Variants in PIGU observed in about 807,000 individuals in gnomAD.
PIGU encodes phosphatidylinositol glycan anchor biosynthesis class U, also known as GPI-anchor transamidase component PIGU.
PIGU carries 24 observed loss-of-function variants against 49.9 expected under a neutral mutation model. The ratio of observed to expected loss-of-function variants is 0.48; its 90% CI spans 0.35 to 0.68. The LOEUF (loss-of-function observed/expected upper bound fraction) is 0.68. Ranked by LOEUF, PIGU falls within the 30% of genes least tolerant of loss-of-function variation. PIGU has a pLI of 0.01. For missense variants in PIGU, 490 were observed against 532.6 expected, an observed-to-expected ratio of 0.92 and a Z score of 0.79; for synonymous variants, 220 against 205.7, an observed-to-expected ratio of 1.07 and a Z score of -0.59.
At chr20:34,588,165 T>A (rs1043286727) in intron 8 of PIGU, among the ~76,000 whole-genome samples, 2 of 151,682 alleles carry the variant, frequency 1.3e-5, no homozygotes, top group East Asian at 3.9e-4. Flanking sequence ...GGCAGGGGAA[T>A]CACTTGAAAC....
chr20:34,646,910 C>T (rs1025459862), intron 2 of PIGU, among the ~76,000 whole-genome samples: 5 of 151,714 alleles, frequency 3.3e-5, no homozygotes, highest in Non-Finnish European at 7.4e-5. Flanking sequence ...CAAGATCCTC[C>T]ACCTCCAGGG....
chr20:34,589,649 CTTTTTTTTTTTT>C (rs34119895), intron 7 of PIGU, among the ~76,000 whole-genome samples: 5 of 53,694 alleles, frequency 9.3e-5, no homozygotes, highest in East Asian at 5.7e-4. Flanking sequence ...CTGCACCTGG[CTTTTTTTTTTTT>C]TTTTTTTTTT....
chr20:34,600,272 T>C (rs1291139389), intron 7 of PIGU, among the ~76,000 whole-genome samples: 1 of 151,970 alleles, frequency 6.6e-6, no homozygotes, highest in Non-Finnish European at 1.5e-5. Context: ...CTGGACTTGG[T>C]GGTGGGCATC....
chr20:34,591,182 AT>A (rs904361314), intron 7 of PIGU, among the ~76,000 whole-genome samples: 13 of 152,116 alleles, frequency 8.5e-5, no homozygotes, highest in Admixed American at 6.5e-4. Flanking sequence ...TATTGCAGAG[AT>A]AAAAATAGTC....
intron 11 of PIGU, chr20:34,562,461 G>A (rs754891728): frequency 7.8e-7 from 1 of 1,289,018 alleles, no homozygotes; most frequent in Non-Finnish European, 1.0e-6. Context: ...CAGCAGCTAA[G>A]GAGAGATCAG....
chr20:34,660,947 T>C (rs1015984765), intron 1 of PIGU, among the ~76,000 whole-genome samples: 2 of 152,182 alleles, frequency 1.3e-5, no homozygotes, highest in African/African-American at 2.4e-5. Context: ...ACTATGGTGA[T>C]GTAGAATGTT....
chr20:34,569,498 T>G (rs1212697913), intron 11 of PIGU, among the ~76,000 whole-genome samples: 1 of 152,162 alleles, frequency 6.6e-6, no homozygotes, highest in African/African-American at 2.4e-5. Flanking sequence ...CCCAAAGTGT[T>G]GGGATTACAG....
chr20:34,570,670 T>C (rs182705262), intron 11 of PIGU, among the ~76,000 whole-genome samples: 1 of 152,288 alleles, frequency 6.6e-6, no homozygotes, highest in Non-Finnish European at 1.5e-5. Flanking sequence ...GTGCTGGAAT[T>C]ACAGGTGTGA....
chr20:34,636,300 T>C (rs974945394), intron 5 of PIGU, among the ~76,000 whole-genome samples: 4 of 152,098 alleles, frequency 2.6e-5, no homozygotes, highest in Admixed American at 6.5e-5. Context: ...CCCAGCACTT[T>C]GGGAGGCCGA....
At chr20:34,588,037 C>T (rs1480212740) in intron 8 of PIGU, among the ~76,000 whole-genome samples, 1 of 152,098 alleles carries the variant, frequency 6.6e-6, no homozygotes, top group African/African-American at 2.4e-5. Context: ...GAGGCCAAGG[C>T]AGATGGATCA....
chr20:34,634,091 A>G (rs1239689029), intron 6 of PIGU, among the ~76,000 whole-genome samples: 1 of 151,910 alleles, frequency 6.6e-6, no homozygotes, highest in African/African-American at 2.4e-5. Context: ...TTTTTTTAAG[A>G]GATAAGGTCT....
chr20:34,650,859 A>C (rs1456826965), intron 2 of PIGU, among the ~76,000 whole-genome samples: 1 of 151,118 alleles, frequency 6.6e-6, no homozygotes, highest in Non-Finnish European at 1.5e-5. Flanking sequence ...GACTACAGGC[A>C]TGCACCACCA....
At chr20:34,665,926 T>C (rs1261900992) in intron 1 of PIGU, among the ~76,000 whole-genome samples, 1 of 152,106 alleles carries the variant, frequency 6.6e-6, no homozygotes, top group African/African-American at 2.4e-5. Context: ...AGGCTGAGCA[T>C]TGTAATCTCA....
intron 1 of PIGU, among the ~76,000 whole-genome samples, chr20:34,665,039 T>C (rs1049161889): frequency 8.6e-5 from 13 of 151,894 alleles, no homozygotes; most frequent in Non-Finnish European, 1.5e-4. Context: ...TGTTTGTTTG[T>C]TTTTGAGACA....
In PIGU at chr20:34,657,169, AG is replaced by A. The variant is rs1181917681; in HGVS notation, c.195+10del. The A allele has an allele frequency of 6.2e-7, 1 of 1,600,454 alleles. No homozygotes were observed. The highest frequency in any genetic ancestry group is 1.1e-5 in the South Asian group (1 of 90,542). Reference sequence around the variant, plus strand: ...CTCTTGGTACCCAGAAAAGAAAATAAGAACACTTACTTCATGAAATACTGCT... The same window carrying A: ...CTCTTGGTACCCAGAAAAGAAAATAAAACACTTACTTCATGAAATACTGCT... On this transcript the variant is annotated intron_variant, in intron 2 of 11. Transcript: ENST00000217446.
At chr20:34,608,565 T>C (rs919941596) in intron 7 of PIGU, among the ~76,000 whole-genome samples, 2 of 152,056 alleles carry the variant, frequency 1.3e-5, no homozygotes, top group Non-Finnish European at 2.9e-5. Flanking sequence ...AGTCAAGCTG[T>C]GCTCTTACAT....
intron 7 of PIGU, among the ~76,000 whole-genome samples, chr20:34,601,106 T>C (rs1353102033): frequency 1.3e-5 from 2 of 152,012 alleles, no homozygotes; most frequent in Non-Finnish European, 2.9e-5. Context: ...GAGGTTTCAC[T>C]CTTTGCAAAT....
chr20:34,614,372 C>G (rs765432244), intron 7 of PIGU, among the ~76,000 whole-genome samples: 8 of 151,836 alleles, frequency 5.3e-5, no homozygotes, highest in Non-Finnish European at 1.0e-4. Flanking sequence ...TTCCTATAAA[C>G]CTAGCACTTT....
In PIGU at chr20:34,631,825, C is replaced by T. The variant is rs542985224; in HGVS notation, c.529+2790G>A. On this transcript the variant is annotated intron_variant, in intron 6 of 11. Coordinates refer to ENST00000217446, the MANE Select transcript of PIGU (RefSeq NM_080476.5). ...TTTTTTTTTTTTTTTTTAGTAGAGACGGGGTTTCACCGTGTTTTCTTCTCC... is the reference window on the plus strand; with the variant it reads ...TTTTTTTTTTTTTTTTTAGTAGAGATGGGGTTTCACCGTGTTTTCTTCTCC... Among the ~76,000 whole-genome samples, 37 of 73,206 alleles carry T rather than the reference C, an allele frequency of 5.1e-4. No homozygotes were observed. The East Asian group carries it at 0.018, about 36-fold the overall frequency. The allele number at this position is 73,206 out of a possible 152,430, so 48.0% of individuals were successfully genotyped here.
Sources: gnomAD v4.1 joint callset for allele counts (sites outside exome capture counted in the v4.1 genomes callset) on GRCh38, gnomAD v4.1.1 for gene constraint, MANE v1.5 for transcripts, NCBI Gene and HGNC (gene_info 2026-07-23, HGNC 2026-07-21) for gene names.